The following ARHGEF37 variants were observed in gnomAD, a reference collection of about 807,000 sequenced individuals.
The protein encoded by ARHGEF37 is Rho guanine nucleotide exchange factor 37.
A neutral mutation model predicts 71.1 loss-of-function variants in ARHGEF37; 55 were observed. That is an observed-to-expected ratio of 0.77 (90% confidence interval 0.62 to 0.97). The LOEUF (loss-of-function observed/expected upper bound fraction) is 0.97, where lower values mean the gene tolerates loss of function less well. Among genes scored for constraint, ARHGEF37 ranks in the 50% least tolerant of loss-of-function variants. The pLI is 0.00. For missense variants in ARHGEF37, 765 were observed against 836.8 expected (o/e 0.91, Z 1.06); for synonymous variants, 327 against 350.6 (o/e 0.93, Z 0.75).
chr5:149,560,304 G>A (rs962785041), intron 1 of ARHGEF37, among the ~76,000 whole-genome samples: 3 of 152,046 alleles, frequency 2.0e-5, no homozygotes, highest in Admixed American at 6.5e-5. Flanking sequence ...TAGTAGAGAC[G>A]AGGTTCTCCA....
intron 1 of ARHGEF37, among the ~76,000 whole-genome samples, chr5:149,567,360 T>A (rs529684757): frequency 8.4e-4 from 128 of 152,356 alleles, no homozygotes; most frequent in African/African-American, 2.9e-3. Flanking sequence ...GCTTTTATCT[T>A]TTGGTTAAGG....
intron 1 of ARHGEF37, among the ~76,000 whole-genome samples, chr5:149,557,359 T>C (rs773254346): frequency 6.6e-5 from 10 of 152,212 alleles, no homozygotes; most frequent in Non-Finnish European, 1.2e-4. Context: ...AGTAAATATC[T>C]GCTGTTACAC....
At chr5:149,573,820 A>G (rs1017032467) in intron 1 of ARHGEF37, among the ~76,000 whole-genome samples, 1 of 152,134 alleles carries the variant, frequency 6.6e-6, no homozygotes, top group African/African-American at 2.4e-5. Flanking sequence ...ACAATATATC[A>G]TATCTATAAC....
intron 12 of ARHGEF37, among the ~76,000 whole-genome samples, chr5:149,631,069 C>T (rs1202286640): frequency 6.6e-6 from 1 of 152,076 alleles, no homozygotes; most frequent in Admixed American, 6.5e-5. Context: ...TAAATATTAG[C>T]CTAATACATG....
At chr5:149,583,665 ATG>A (rs897341549) in intron 1 of ARHGEF37, among the ~76,000 whole-genome samples, 1 of 152,212 alleles carries the variant, frequency 6.6e-6, no homozygotes, top group African/African-American at 2.4e-5. Flanking sequence ...GAGGTAGGGA[ATG>A]TGTTTTCATG....
chr5:149,624,166 G>C, intron 10 of ARHGEF37, 26 bp downstream of exon 10: 1 of 1,591,490 alleles, frequency 6.3e-7, no homozygotes, highest in Non-Finnish European at 8.6e-7. Flanking sequence ...CCACCCCAAA[G>C]ACTGTCCAGT....
At chr5:149,567,195 G>A (rs1036024264) in intron 1 of ARHGEF37, among the ~76,000 whole-genome samples, 20 of 152,096 alleles carry the variant, frequency 1.3e-4, no homozygotes, top group African/African-American at 4.6e-4. Flanking sequence ...TCTGTAAAAC[G>A]TCCTTTAATT....
intron 2 of ARHGEF37, among the ~76,000 whole-genome samples, chr5:149,599,737 TC>T (rs1002617139): frequency 6.6e-6 from 1 of 152,176 alleles, no homozygotes; most frequent in African/African-American, 2.4e-5. Flanking sequence ...GTTTCAAGCA[TC>T]CCCTAGCATT....
At chr5:149,587,504 T>C (rs928941657) in intron 1 of ARHGEF37, among the ~76,000 whole-genome samples, 1 of 152,190 alleles carries the variant, frequency 6.6e-6, no homozygotes, top group African/African-American at 2.4e-5. Flanking sequence ...ATAAATATCC[T>C]AGGAAAGCCA....
chr5:149,634,829 GC>G lies in ARHGEF37; in HGVS notation c.*2642del, dbSNP rs942734095. The G allele has an allele frequency of 6.6e-6, 1 of 152,524 alleles. No homozygotes were observed. The highest frequency in any genetic ancestry group is 2.4e-5 in the African/African-American group (1 of 41,422). 9.4% of individuals were successfully genotyped at this position (152,524 alleles called of 1,614,324 possible). On this transcript the variant is annotated 3_prime_UTR_variant, in exon 13 of 13. Transcript: ENST00000333677. ...GAGTGAGAACTCTTAAACCCCTCAG[GC>G]CCCAACTCAGTTGTGGAGATGAGGA...
chr5:149,579,570 G>A (rs1416411869), upstream of ARHGEF37, among the ~76,000 whole-genome samples: 1 of 151,442 alleles, frequency 6.6e-6, no homozygotes, highest in Non-Finnish European at 1.5e-5. Context: ...CCAGGCAACT[G>A]ATGTTATTAT....
intron 1 of ARHGEF37, among the ~76,000 whole-genome samples, chr5:149,586,106 C>G (rs981884346): frequency 6.6e-6 from 1 of 152,106 alleles, no homozygotes; most frequent in African/African-American, 2.4e-5. Context: ...CATGGAGTTT[C>G]CATTATTTTG....
intron 3 of ARHGEF37, among the ~76,000 whole-genome samples, chr5:149,603,007 A>C (rs932398927): frequency 1.3e-5 from 2 of 151,980 alleles, no homozygotes; most frequent in Non-Finnish European, 2.9e-5. Context: ...ATCTCGGCTC[A>C]CTGCAACCTC....
At chr5:149,624,272 C>A in intron 10 of ARHGEF37, 132 bp downstream of exon 10, 1 of 1,259,066 alleles carries the variant, frequency 7.9e-7, no homozygotes, top group Non-Finnish European at 1.1e-6. Context: ...AATATGTTCT[C>A]TTCTCTCTCC....
chr5:149,622,445 T>C (rs1752574875), intron 9 of ARHGEF37, among the ~76,000 whole-genome samples: 1 of 152,238 alleles, frequency 6.6e-6, no homozygotes, highest in African/African-American at 2.4e-5. Context: ...GGTGTTACTA[T>C]TACTACTTCC....
intron 1 of ARHGEF37, among the ~76,000 whole-genome samples, chr5:149,595,891 C>T (rs749062683): frequency 1.3e-5 from 2 of 151,808 alleles, no homozygotes; most frequent in Non-Finnish European, 2.9e-5. Flanking sequence ...TTTTCCTCAC[C>T]CAGAACCCAA....
intron 4 of ARHGEF37, among the ~76,000 whole-genome samples, chr5:149,615,379 C>T (rs1302390005): frequency 6.6e-6 from 1 of 151,058 alleles, no homozygotes; most frequent in Non-Finnish European, 1.5e-5. Flanking sequence ...CTCAAGCAAT[C>T]ATTTTTTTTA....
At chr5:149,587,910 T>C (rs1763285636) in intron 1 of ARHGEF37, among the ~76,000 whole-genome samples, 1 of 150,948 alleles carries the variant, frequency 6.6e-6, no homozygotes. Flanking sequence ...TTTTTTTTTT[T>C]TTTGGAGACA....
At position 149,632,069 on chromosome 5, in the gene ARHGEF37, G is replaced by C; in HGVS notation, c.1906G>C (p.Asp636His). 6.2e-7 allele frequency: 1 copy of C among 1,614,278 alleles called. No individual in the cohort carries two copies. Among genetic ancestry groups the C allele is most frequent in the Non-Finnish European group, 8.5e-7 (1 of 1,180,056 alleles). ...GQPVTILEAQ[D>H]KKGNPEWSLV... is the part of the protein sequence containing the mutation. ...GCCTGTGACCATCCTGGAGGCCCAGGACAAGAAGGGGAACCCTGAGTGGAG... is the reference window on the plus strand; with the variant it reads ...GCCTGTGACCATCCTGGAGGCCCAGCACAAGAAGGGGAACCCTGAGTGGAG... Residue 636 changes from aspartate (D) to histidine (H), a missense_variant, in exon 13 of 13, where the codon GAC becomes CAC. Physicochemically the swap from Asp to His is moderately conservative, Grantham distance 81. This residue lies in a region of ARHGEF37 where 390 missense variants were observed against 407.4 expected (regional missense o/e 0.96). Transcript: ENST00000333677.
Sources: allele counts gnomAD v4.1 joint callset (sites outside exome capture counted in the v4.1 genomes callset), GRCh38; gene constraint gnomAD v4.1.1; regional missense constraint gnomAD v4.1.1; transcripts MANE v1.5; gene names NCBI Gene and HGNC (gene_info 2026-07-23, HGNC 2026-07-21).